TRAPPC11: variants seen among roughly 807,000 people sequenced by gnomAD.
TRAPPC11 encodes trafficking protein particle complex subunit 11, also known as foie gras homolog.
Under a neutral mutation model 151.2 loss-of-function variants are expected in TRAPPC11, and 104 were observed. The observed-to-expected ratio is 0.69, with a 90% CI of 0.59 to 0.81. TRAPPC11 has a LOEUF of 0.81. TRAPPC11 is among the 30% of genes least tolerant of loss of function. TRAPPC11 has a pLI of 0.00. For missense variants in TRAPPC11, 1,230 were observed against 1,349.6 expected (o/e 0.91, Z 1.39); for synonymous variants, 456 against 472.3 (o/e 0.97, Z 0.45).
At chr4:183,691,821 A>G (rs1736274971) in intron 19 of TRAPPC11, among the ~76,000 whole-genome samples, 1 of 152,184 alleles carries the variant, frequency 6.6e-6, no homozygotes, top group African/African-American at 2.4e-5. Context: ...TAAATAATGT[A>G]TATTATGTAA....
intron 26 of TRAPPC11, among the ~76,000 whole-genome samples, chr4:183,704,610 A>C (rs565295677): frequency 2.0e-5 from 3 of 151,786 alleles, no homozygotes. Context: ...TCAGGAGATC[A>C]AGACCATCCT....
intron 23 of TRAPPC11, among the ~76,000 whole-genome samples, chr4:183,696,429 T>C (rs1736542939): frequency 6.6e-6 from 1 of 152,206 alleles, no homozygotes; most frequent in African/African-American, 2.4e-5. Flanking sequence ...GGGGTCTCAC[T>C]GTGTTGCCCA....
chr4:183,693,109 A>T lies in TRAPPC11; in HGVS notation c.2199A>T (p.Glu733Asp), dbSNP rs1736340781. Reference sequence around the variant, plus strand: ...GGCGACCTAAGCTACCTGACAATGAAGTTCACTGGGACAGCATTATAATTC... The same window carrying T: ...GGCGACCTAAGCTACCTGACAATGATGTTCACTGGGACAGCATTATAATTC... ...FKRRPKLPDN[E>D]VHWDSIIIQA... Residue 733 changes from glutamate (E) to aspartate (D), a missense_variant, in exon 20 of 30, where the codon GAA becomes GAT. By Grantham distance (45) the Glu-to-Asp change is conservative. Coordinates refer to ENST00000334690, the MANE Select transcript of TRAPPC11 (RefSeq NM_021942.6). The T allele has an allele frequency of 2.5e-6, 4 of 1,612,066 alleles. No homozygotes were observed. The highest frequency in any genetic ancestry group is 2.5e-6 in the Non-Finnish European group (3 of 1,178,660).
intron 26 of TRAPPC11, among the ~76,000 whole-genome samples, chr4:183,702,923 T>C (rs748288310): frequency 6.6e-6 from 1 of 152,220 alleles, no homozygotes; most frequent in Non-Finnish European, 1.5e-5. Context: ...AAGATCTGAA[T>C]GTTATGGCTG....
chr4:183,692,761 A>C (rs1736316395), intron 19 of TRAPPC11, among the ~76,000 whole-genome samples, 199 bp from the exon 20 acceptor site: 1 of 152,278 alleles, frequency 6.6e-6, no homozygotes. Context: ...AAAGGTGAAG[A>C]AGTTGGAACC....
chr4:183,681,279 G>A (rs1735677451), intron 10 of TRAPPC11, among the ~76,000 whole-genome samples: 1 of 151,942 alleles, frequency 6.6e-6, no homozygotes, highest in South Asian at 2.1e-4. Flanking sequence ...TTGTATATTA[G>A]TACTTAAAAT....
chr4:183,705,213 C>T, intron 27 of TRAPPC11, 143 bp downstream of exon 27: 1 of 542,604 alleles, frequency 1.8e-6, no homozygotes, highest in East Asian at 2.9e-5. Flanking sequence ...CTTGCTTCCT[C>T]TCTACTTCTA....
chr4:183,665,180 C>T (rs188210484), intron 2 of TRAPPC11, among the ~76,000 whole-genome samples: 55 of 150,532 alleles, frequency 3.7e-4, no homozygotes, highest in East Asian at 2.4e-3. Flanking sequence ...CTGCAAGCTC[C>T]GCCTCCTGGG....
chr4:183,663,733 G>GTTTT, intron 1 of TRAPPC11, 114 bp from the exon 2 acceptor site: 3 of 567,642 alleles, frequency 5.3e-6, no homozygotes, highest in Non-Finnish European at 5.9e-6. Flanking sequence ...ATGAATATGA[G>GTTTT]TTGTTTTTTT....
At chr4:183,696,697 C>A (rs1175936294) in intron 23 of TRAPPC11, among the ~76,000 whole-genome samples, 3 of 152,126 alleles carry the variant, frequency 2.0e-5, no homozygotes, top group Admixed American at 1.3e-4. Flanking sequence ...GCCCACCCCC[C>A]CATTGTTTTT....
chr4:183,701,673 G>T lies in TRAPPC11; in HGVS notation c.2852-24G>T, dbSNP rs143152144. On this transcript the variant is annotated intron_variant, in intron 25 of 29. Coordinates refer to ENST00000334690, the MANE Select transcript of TRAPPC11 (RefSeq NM_021942.6). ...TTTGTAGATGAAACCATTGCATAAG[G>T]AATATAAAGACTTTTCCCTGTAGTT... 0.012 allele frequency: 18,175 copies of T among 1,507,060 alleles called. 163 individuals are homozygous for T. The highest frequency in any genetic ancestry group is 0.015 in the Non-Finnish European group (16,084 of 1,082,652). The allele number at this position is 1,507,060 out of a possible 1,614,324, so 93.4% of individuals were successfully genotyped here.
chr4:183,684,220 C>A lies in TRAPPC11; in HGVS notation c.1363C>A (p.Leu455Ile). ...TAAGTGCCCGCGAATGAAAAGTCAC[C>A]TAAGTATGTATCCACAAACGTCACC... The part of the protein sequence containing the change: ...KYKCPRMKSH[L>I]MVQMGEEYYY... Residue 455 changes from leucine to isoleucine, a missense_variant, in exon 13 of 30, where the codon CTA becomes ATA. Transcript: ENST00000334690. 6.2e-7 allele frequency: 1 copy of A among 1,613,856 alleles called. No individual in the cohort carries two copies. The highest frequency in any genetic ancestry group is 8.5e-7 in the Non-Finnish European group (1 of 1,179,788).
chr4:183,665,339 C>T (rs1236387630), intron 2 of TRAPPC11, among the ~76,000 whole-genome samples: 1 of 152,022 alleles, frequency 6.6e-6, no homozygotes, highest in African/African-American at 2.4e-5. Context: ...CGTGATCTGC[C>T]CACCTTGGCC....
intron 25 of TRAPPC11, among the ~76,000 whole-genome samples, 191 bp downstream of exon 25, chr4:183,698,026 G>A (rs938274325): frequency 2.0e-5 from 3 of 152,150 alleles, no homozygotes; most frequent in African/African-American, 7.2e-5. Flanking sequence ...ATTTGCTTGA[G>A]TATACCTGAT....
chr4:183,673,527 A>G (rs1464588812), intron 5 of TRAPPC11, among the ~76,000 whole-genome samples: 1 of 152,100 alleles, frequency 6.6e-6, no homozygotes. Flanking sequence ...TATAAAAATT[A>G]GCTGGGCGTG....
At chr4:183,670,348 T>A (rs1350441929) in intron 5 of TRAPPC11, among the ~76,000 whole-genome samples, 2 of 152,224 alleles carry the variant, frequency 1.3e-5, no homozygotes, top group Non-Finnish European at 2.9e-5. Context: ...ACAGGAGTTG[T>A]CCAAGTTAAT....
intron 28 of TRAPPC11, among the ~76,000 whole-genome samples, chr4:183,708,135 TTA>T (rs926024398): frequency 4.0e-4 from 61 of 152,306 alleles, no homozygotes; most frequent in African/African-American, 1.4e-3. Context: ...TTCTCATTCT[TTA>T]GGAGGTATAA....
At chr4:183,675,661 G>A (rs7683546) in intron 7 of TRAPPC11, 12,833 of 152,776 alleles carry the variant, frequency 0.084, 589 homozygotes, top group Admixed American at 0.1. Context: ...CAGGAGCCAC[G>A]CTAATCTTCT....
At chr4:183,707,816 GATTTTTTCCACGTGTTGACTTACAT>G (rs1448579362) in intron 28 of TRAPPC11, among the ~76,000 whole-genome samples, 1 of 152,026 alleles carries the variant, frequency 6.6e-6, no homozygotes, top group Non-Finnish European at 1.5e-5. Flanking sequence ...TGAGTGTCTT[GATTTTTTCCACGTGTTGACTTACAT>G]AAATCGTAGG....
Sources: gnomAD v4.1 joint callset for allele counts (sites outside exome capture counted in the v4.1 genomes callset) on GRCh38, gnomAD v4.1.1 for gene constraint, MANE v1.5 for transcripts, NCBI Gene and HGNC (gene_info 2026-07-23, HGNC 2026-07-21) for gene names.